The following FSTL4 variants were observed in gnomAD, a reference collection of about 807,000 sequenced individuals.
FSTL4 encodes the protein follistatin-related protein 4.
A neutral mutation model predicts 78.2 loss-of-function variants in FSTL4; 28 were observed. That is an observed-to-expected ratio of 0.36 (90% CI 0.27 to 0.49). The LOEUF (loss-of-function observed/expected upper bound fraction) is 0.49. FSTL4 is among the 20% of genes least tolerant of loss of function. The pLI is 0.98. For missense variants in FSTL4, 922 were observed against 1,084.9 expected, an observed-to-expected ratio of 0.85 and a Z score of 2.11; for synonymous variants, 422 against 440.5, an observed-to-expected ratio of 0.96 and a Z score of 0.53.
chr5:133,414,103 CTCT>C (rs1756530820), intron 3 of FSTL4, among the ~76,000 whole-genome samples: 1 of 152,082 alleles, frequency 6.6e-6, no homozygotes, highest in African/African-American at 2.4e-5. Flanking sequence ...TGGATATAGG[CTCT>C]TCTTGATTGT....
At chr5:133,782,269 A>T in the FSTL4 span, among the ~76,000 whole-genome samples, 71,484 of 152,224 alleles carry the variant, frequency 0.47, 19,291 homozygotes, top group Middle Eastern at 0.68. Flanking sequence ...TTATAACTAC[A>T]ACTGCTGCTG....
At chr5:133,719,597 C>T in the FSTL4 span, among the ~76,000 whole-genome samples, 24 of 150,986 alleles carry the variant, frequency 1.6e-4, no homozygotes, top group Non-Finnish European at 3.1e-4. Context: ...TGCTTGAACC[C>T]GGGAGACAGA....
At chr5:133,504,614 C>T (rs146398077) in intron 3 of FSTL4, among the ~76,000 whole-genome samples, 1,555 of 152,308 alleles carry the variant, frequency 0.01, 19 homozygotes, top group Middle Eastern at 0.024. Context: ...TCACTGCCTA[C>T]CTCTACTGCA....
At chr5:133,234,256 A>G (rs954926491) in intron 7 of FSTL4, among the ~76,000 whole-genome samples, 2 of 152,204 alleles carry the variant, frequency 1.3e-5, no homozygotes, top group Non-Finnish European at 2.9e-5. Flanking sequence ...GGCAAACAAA[A>G]AAACCAGGGC....
At chr5:133,210,419 C>A in intron 13 of FSTL4, 121 bp from the exon 14 acceptor site, 1 of 506,788 alleles carries the variant, frequency 2.0e-6, no homozygotes. Flanking sequence ...CCAATGGTTC[C>A]ATTTGGGAAC....
chr5:133,253,442 C>T (rs1002393293), intron 6 of FSTL4, among the ~76,000 whole-genome samples: 1 of 152,238 alleles, frequency 6.6e-6, no homozygotes, highest in Non-Finnish European at 1.5e-5. Flanking sequence ...TCGCTTTTGA[C>T]TCGGAGCCGA....
intron 3 of FSTL4, among the ~76,000 whole-genome samples, chr5:133,487,612 G>A (rs2112864656): frequency 6.6e-6 from 1 of 152,210 alleles, no homozygotes; most frequent in East Asian, 1.9e-4. Context: ...ATTTCAGCAC[G>A]GTGCCTAGTT....
chr5:133,265,867 C>T (rs1752630375), intron 6 of FSTL4, among the ~76,000 whole-genome samples: 1 of 152,156 alleles, frequency 6.6e-6, no homozygotes, highest in African/African-American at 2.4e-5. Flanking sequence ...AGGGTGGGGG[C>T]CCTCTCCTAG....
At chr5:133,535,499 C>T (rs1759335291) in intron 3 of FSTL4, among the ~76,000 whole-genome samples, 1 of 152,222 alleles carries the variant, frequency 6.6e-6, no homozygotes, top group Non-Finnish European at 1.5e-5. Flanking sequence ...CTGCCCGTCC[C>T]TTCGTTTCCC....
rs907069764 is a variant in FSTL4 at position 133,403,254 on chromosome 5, A to G, written c.161-2268T>C. ...TGCCCATTTTGAAGAAACAAGAGGC[A>G]AAGTCTCTGTGCCCTGGCCTCTCCG... On this transcript the variant is annotated intron_variant, in intron 3 of 15. Transcript: ENST00000265342. Among the ~76,000 whole-genome samples, 16 of 152,234 alleles carry G rather than the reference A, an allele frequency of 1.1e-4. 1 individual carries two copies. The highest frequency in any genetic ancestry group is 4.4e-5 in the Non-Finnish European group (3 of 68,044).
chr5:133,632,805 G>A, the FSTL4 span, among the ~76,000 whole-genome samples: 3 of 152,210 alleles, frequency 2.0e-5, no homozygotes, highest in South Asian at 6.2e-4. Context: ...TCCCAATGCA[G>A]CCTCCCAAGT....
intron 3 of FSTL4, among the ~76,000 whole-genome samples, chr5:133,500,541 A>G (rs1455018819): frequency 6.6e-6 from 1 of 152,084 alleles, no homozygotes; most frequent in Non-Finnish European, 1.5e-5. Context: ...CTCGGCAACA[A>G]TAAGACCCAG....
At chr5:133,264,381 G>A (rs985996675) in intron 6 of FSTL4, among the ~76,000 whole-genome samples, 4 of 152,138 alleles carry the variant, frequency 2.6e-5, no homozygotes, top group African/African-American at 7.2e-5. Context: ...TAACTCACCC[G>A]TGTCTTGGTG....
At chr5:133,237,257 C>T (rs1481473609) in intron 7 of FSTL4, among the ~76,000 whole-genome samples, 1 of 152,160 alleles carries the variant, frequency 6.6e-6, no homozygotes, top group African/African-American at 2.4e-5. Flanking sequence ...CAGGCTGGGG[C>T]ACGCTGGAAT....
chr5:133,385,087 G>C (rs1398850009), intron 4 of FSTL4, among the ~76,000 whole-genome samples: 3 of 150,098 alleles, frequency 2.0e-5, no homozygotes, highest in African/African-American at 7.6e-5. Context: ...CAATAGGCAG[G>C]GGGTGTGTGT....
chr5:133,295,820 T>A (rs1052745345), intron 6 of FSTL4, among the ~76,000 whole-genome samples: 4 of 152,192 alleles, frequency 2.6e-5, no homozygotes, highest in African/African-American at 9.7e-5. Flanking sequence ...CATTCTCTTT[T>A]GGGGCTCCCA....
intron 2 of FSTL4, among the ~76,000 whole-genome samples, chr5:133,602,373 C>A (rs908102835): frequency 1.3e-5 from 2 of 152,130 alleles, no homozygotes; most frequent in African/African-American, 4.8e-5. Flanking sequence ...GATAAAGAGG[C>A]CCTGGGTTGA....
intron 3 of FSTL4, among the ~76,000 whole-genome samples, chr5:133,547,921 G>A (rs562973594): frequency 1.1e-4 from 17 of 152,192 alleles, no homozygotes; most frequent in East Asian, 3.9e-4. Flanking sequence ...AAAGTTACCC[G>A]GCCAATCATT....
intron 3 of FSTL4, among the ~76,000 whole-genome samples, chr5:133,566,241 C>T (rs1195604526): frequency 6.6e-6 from 1 of 152,282 alleles, no homozygotes; most frequent in African/African-American, 2.4e-5. Context: ...TACCAAGGTC[C>T]CAGGCATGAA....
Sources: gnomAD v4.1 joint callset for allele counts (sites outside exome capture counted in the v4.1 genomes callset) on GRCh38, gnomAD v4.1.1 for gene constraint, MANE v1.5 for transcripts, NCBI Gene and HGNC (gene_info 2026-07-23, HGNC 2026-07-21) for gene names.